Variants in FAM219A observed in about 807,000 individuals in gnomAD.
The protein encoded by FAM219A is family with sequence similarity 219 member A, also known as protein FAM219A.
Under a neutral mutation model 23.4 loss-of-function variants are expected in FAM219A, and 7 were observed. The ratio of observed to expected loss-of-function variants is 0.30; its 90% CI spans 0.17 to 0.56. FAM219A has a LOEUF of 0.56. Among genes scored for constraint, FAM219A ranks in the 20% least tolerant of loss-of-function variants. The probability of loss-of-function intolerance (pLI) is 0.92; values close to 1 mark genes in which losing one functional copy is unlikely to be tolerated. For missense variants in FAM219A, 166 were observed against 246.9 expected (o/e 0.67, Z 2.20); for synonymous variants, 93 against 99.0 (o/e 0.94, Z 0.36).
chr9:34,435,692 C>T (rs1822879276), intron 1 of FAM219A, among the ~76,000 whole-genome samples: 1 of 152,160 alleles, frequency 6.6e-6, no homozygotes, highest in South Asian at 2.1e-4. Context: ...TCATGAATAT[C>T]TTTTTATGTC....
chr9:34,402,579 C>A (rs1821487731), intron 3 of FAM219A, 112 bp from the exon 4 acceptor site: 2 of 1,551,608 alleles, frequency 1.3e-6, no homozygotes, highest in African/African-American at 2.7e-5. Flanking sequence ...CACCTTGGAT[C>A]CTGTTAAGGC....
intron 1 of FAM219A, among the ~76,000 whole-genome samples, chr9:34,450,862 G>A (rs1296801230): frequency 6.6e-6 from 1 of 152,140 alleles, no homozygotes; most frequent in Non-Finnish European, 1.5e-5. Context: ...GCCTGGGTGT[G>A]GCCTCTTGTC....
At position 34,430,101 on chromosome 9, in the gene FAM219A, C is replaced by T. The variant is rs144896698; in HGVS notation, c.61-24137G>A. Among the ~76,000 whole-genome samples, 1,216 of 152,208 alleles carry T rather than the reference C, an allele frequency of 8.0e-3. 9 individuals carry two copies. The highest frequency in any genetic ancestry group is 0.012 in the Non-Finnish European group (805 of 68,018). ...ATGGTGACCTCAACAGAGAGCTAGACATGTGTGGGGGGAGGTAGGGCAGCA... is the reference window on the plus strand; with the variant it reads ...ATGGTGACCTCAACAGAGAGCTAGATATGTGTGGGGGGAGGTAGGGCAGCA... On this transcript the variant is annotated intron_variant, in intron 1 of 5. Coordinates refer to ENST00000651358, the MANE Select transcript of FAM219A (RefSeq NM_001184940.2).
At chr9:34,441,071 G>C (rs1265089809) in intron 1 of FAM219A, among the ~76,000 whole-genome samples, 2 of 152,042 alleles carry the variant, frequency 1.3e-5, no homozygotes, top group African/African-American at 4.8e-5. Context: ...AAAGAGAAAA[G>C]GACCTAAGAG....
intron 1 of FAM219A, among the ~76,000 whole-genome samples, chr9:34,436,689 G>A (rs1471263410): frequency 1.3e-5 from 2 of 152,214 alleles, no homozygotes; most frequent in Admixed American, 6.5e-5. Context: ...TTCCAGAGAG[G>A]CTGTGACAAT....
rs1821298728 is a variant in FAM219A at position 34,398,428 on chromosome 9, C to T, written c.*2536G>A. On this transcript the variant is annotated 3_prime_UTR_variant, in exon 6 of 6. Coordinates refer to ENST00000651358, the MANE Select transcript of FAM219A (RefSeq NM_001184940.2). ...AGGGTGGCAGGAGGGCAAGCTAAGG[C>T]CTAGATTCTTCCCTCCAACCTCCCA... The T allele has an allele frequency of 1.3e-6, 2 of 1,514,792 alleles. No homozygotes were observed. Among genetic ancestry groups the T allele is most frequent in the East Asian group, 2.5e-5 (1 of 40,708 alleles). 93.8% of individuals were successfully genotyped at this position (1,514,792 alleles called of 1,614,324 possible). A position where few individuals can be genotyped will look rare whatever the true frequency, so the allele number is the denominator to read the frequency against.
At chr9:34,416,907 A>G (rs190426940) in intron 1 of FAM219A, among the ~76,000 whole-genome samples, 2 of 149,688 alleles carry the variant, frequency 1.3e-5, no homozygotes, top group East Asian at 3.9e-4. Context: ...AGCTTACTAC[A>G]GCCTTGAACT....
At chr9:34,423,373 C>T (rs1483198242) in intron 1 of FAM219A, among the ~76,000 whole-genome samples, 1 of 151,832 alleles carries the variant, frequency 6.6e-6, no homozygotes, top group East Asian at 1.9e-4. Flanking sequence ...TATTAGTGAA[C>T]CAGATGAGGA....
At chr9:34,404,015 T>C (rs955938736) in intron 2 of FAM219A, among the ~76,000 whole-genome samples, 17 of 152,204 alleles carry the variant, frequency 1.1e-4, no homozygotes, top group South Asian at 4.1e-4. Flanking sequence ...CTGGTGGTAC[T>C]AGGTGCAACT....
chr9:34,402,146 G>T, intron 4 of FAM219A: 1 of 1,451,906 alleles, frequency 6.9e-7, no homozygotes, highest in Non-Finnish European at 9.1e-7. Flanking sequence ...ACAACCATTG[G>T]ATCAGTTGTC....
intron 5 of FAM219A, 152 bp from the exon 6 acceptor site, chr9:34,401,274 C>G (rs534424845): frequency 1.0e-6 from 1 of 957,774 alleles, no homozygotes; most frequent in East Asian, 2.6e-5. Flanking sequence ...CCCCAGGCCC[C>G]GCTCCTGCCT....
chr9:34,408,041 T>A lies in FAM219A; in HGVS notation c.61-2077A>T, dbSNP rs559864392. Reference sequence around the variant, plus strand: ...TCCAGAGCACAAGGCTCTGGGTGGGTTGTGTTGCCACAGTGGTTTGCAAGT... The same window carrying A: ...TCCAGAGCACAAGGCTCTGGGTGGGATGTGTTGCCACAGTGGTTTGCAAGT... On this transcript the variant is annotated intron_variant, in intron 1 of 5. Coordinates refer to ENST00000651358, the MANE Select transcript of FAM219A (RefSeq NM_001184940.2). 3.9e-5 allele frequency among the ~76,000 whole-genome samples: 6 copies of A among 152,276 alleles called. No individual in the cohort carries two copies. The South Asian group carries it at 1.2e-3, about 32-fold the overall frequency.
chr9:34,451,368 GACCCTGCTGAGCC>G (rs890442124), intron 1 of FAM219A, among the ~76,000 whole-genome samples: 1 of 152,060 alleles, frequency 6.6e-6, no homozygotes, highest in Non-Finnish European at 1.5e-5. Flanking sequence ...AATGACTTGG[GACCCTGCTGAGCC>G]ACACCTCTAG....
intron 1 of FAM219A, among the ~76,000 whole-genome samples, chr9:34,422,882 TG>T (rs1822330768): frequency 6.6e-6 from 1 of 152,104 alleles, no homozygotes; most frequent in Non-Finnish European, 1.5e-5. Flanking sequence ...AAAAATAATA[TG>T]GGCTGGGCGC....
intron 1 of FAM219A, among the ~76,000 whole-genome samples, chr9:34,411,564 C>G (rs1032896813): frequency 6.6e-5 from 10 of 151,312 alleles, no homozygotes; most frequent in African/African-American, 2.4e-4. Flanking sequence ...GTAGTCCTAG[C>G]TACTCGGGAG....
rs554110565 is a variant in FAM219A, at chr9:34,435,754, T to C, written c.60+22450A>G. Among the ~76,000 whole-genome samples, 92 of 152,320 alleles carry C rather than the reference T, an allele frequency of 6.0e-4. 2 individuals are homozygous for C. Among genetic ancestry groups the C allele is most frequent in the Admixed American group, 5.0e-3 (77 of 15,300 alleles). On this transcript the variant is annotated intron_variant, in intron 1 of 5. Transcript: ENST00000651358. ...TTTAAAAGGCTGCCCATATGTATGC[T>C]ATGGGATGGAGGTACCATGATTTAT...
intron 1 of FAM219A, among the ~76,000 whole-genome samples, chr9:34,449,073 C>G (rs1412700245): frequency 6.6e-6 from 1 of 151,692 alleles, no homozygotes; most frequent in Non-Finnish European, 1.5e-5. Flanking sequence ...GTGGCTCACA[C>G]CTGTAATCTT....
At chr9:34,410,884 A>AT (rs1821797322) in intron 1 of FAM219A, among the ~76,000 whole-genome samples, 1 of 152,210 alleles carries the variant, frequency 6.6e-6, no homozygotes, top group Non-Finnish European at 1.5e-5. Context: ...GACTAACACT[A>AT]ATACCTAGTT....
chr9:34,451,792 C>T (rs1263582678), intron 1 of FAM219A, among the ~76,000 whole-genome samples: 1 of 152,200 alleles, frequency 6.6e-6, no homozygotes, highest in Admixed American at 6.5e-5. Context: ...CAGAATTCTG[C>T]TCCTTTGGTA....
Sources: allele counts gnomAD v4.1 joint callset (sites outside exome capture counted in the v4.1 genomes callset), GRCh38; gene constraint gnomAD v4.1.1; transcripts MANE v1.5; gene names NCBI Gene and HGNC (gene_info 2026-07-23, HGNC 2026-07-21).